Variants in RPS6KC1 observed in about 807,000 individuals in gnomAD.
RPS6KC1 encodes inactive ribosomal protein S6 kinase delta-1.
Under a neutral mutation model 103.8 loss-of-function variants are expected in RPS6KC1, and 54 were observed. The observed-to-expected ratio is 0.52, with a 90% CI of 0.42 to 0.65. RPS6KC1 has a LOEUF of 0.65. Among genes scored for constraint, RPS6KC1 ranks in the 30% least tolerant of loss-of-function variants. RPS6KC1 has a pLI of 0.00. For missense variants in RPS6KC1, 1,151 were observed against 1,253.8 expected, an observed-to-expected ratio of 0.92 and a Z score of 1.24; for synonymous variants, 439 against 438.7, an observed-to-expected ratio of 1.00 and a Z score of -0.01.
chr1:213,825,897 GT>G, the RPS6KC1 span, among the ~76,000 whole-genome samples: 1 of 152,150 alleles, frequency 6.6e-6, no homozygotes, highest in Non-Finnish European at 1.5e-5. Context: ...ACATAACCTA[GT>G]TTTTAAATTT....
the RPS6KC1 span, among the ~76,000 whole-genome samples, chr1:213,534,664 T>C: frequency 6.6e-6 from 1 of 152,156 alleles, no homozygotes; most frequent in East Asian, 1.9e-4. Flanking sequence ...TTCCCAATGC[T>C]AAAAACTTGG....
At chr1:213,155,426 C>T (rs4951676) in intron 6 of RPS6KC1, among the ~76,000 whole-genome samples, 68,393 of 152,056 alleles carry the variant, frequency 0.45, 19,157 homozygotes, top group Non-Finnish European at 0.62. Flanking sequence ...CAGTCAATTT[C>T]TGACCACTAG....
At chr1:213,345,958 A>G in the RPS6KC1 span, among the ~76,000 whole-genome samples, 1 of 152,332 alleles carries the variant, frequency 6.6e-6, no homozygotes, top group South Asian at 2.1e-4. Flanking sequence ...TTTTTAAATA[A>G]GCTTTTTATT....
the RPS6KC1 span, among the ~76,000 whole-genome samples, chr1:213,325,690 G>A: frequency 2.6e-5 from 4 of 152,192 alleles, no homozygotes. Context: ...AGCAGAGTCC[G>A]CTGGGAAAGC....
chr1:213,168,716 G>A lies in RPS6KC1; in HGVS notation c.951+743G>A, dbSNP rs564386711. 1.3e-4 allele frequency among the ~76,000 whole-genome samples: 19 copies of A among 151,792 alleles called. No homozygotes were observed. In the South Asian group the frequency reaches 2.3e-3, roughly 18 times the overall value. ...AGGCTCACTGCAAGCTCCGCCTCCC[G>A]GGTTCACGCCATTCTCCTGCCTCAG... On this transcript the variant is annotated intron_variant, in intron 7 of 14. Transcript: ENST00000366960.
chr1:213,541,831 G>A, the RPS6KC1 span, among the ~76,000 whole-genome samples: 1 of 152,182 alleles, frequency 6.6e-6, no homozygotes, highest in Non-Finnish European at 1.5e-5. Context: ...GAGGGCCTGG[G>A]CAAAACTTTA....
the RPS6KC1 span, among the ~76,000 whole-genome samples, chr1:213,285,936 T>A: frequency 5.9e-5 from 9 of 152,188 alleles, no homozygotes. Flanking sequence ...TGCTGGCACC[T>A]TGGTTCTGGG....
At position 213,065,761 on chromosome 1, in the gene RPS6KC1, A is replaced by G. The variant is rs74947405; in HGVS notation, c.106-5245A>G. On this transcript the variant is annotated intron_variant, in intron 1 of 14. Coordinates refer to ENST00000366960, the MANE Select transcript of RPS6KC1 (RefSeq NM_012424.6). ...GTACTGCAGTACCTGGCAGCAGAGT[A>G]GGCACTAATATGTGTTGAATGAGTA... is the stretch of plus-strand genomic sequence containing the variant. Among the ~76,000 whole-genome samples, 586 of 152,338 alleles carry G rather than the reference A, an allele frequency of 3.8e-3. 4 individuals are homozygous for G. Among genetic ancestry groups the G allele is most frequent in the African/African-American group, 0.014 (568 of 41,574 alleles).
the RPS6KC1 span, among the ~76,000 whole-genome samples, chr1:213,631,992 A>C: frequency 6.6e-6 from 1 of 152,178 alleles, no homozygotes; most frequent in East Asian, 1.9e-4. Context: ...ATGTCACATA[A>C]ATGGAATCAT....
chr1:213,370,914 G>A, the RPS6KC1 span, among the ~76,000 whole-genome samples: 1 of 152,190 alleles, frequency 6.6e-6, no homozygotes, highest in Admixed American at 6.5e-5. Context: ...GAAGCAGTCT[G>A]CAGATGGGTT....
chr1:213,712,471 T>C, the RPS6KC1 span, among the ~76,000 whole-genome samples: 1 of 152,218 alleles, frequency 6.6e-6, no homozygotes, highest in Non-Finnish European at 1.5e-5. Context: ...TGGGATCCAC[T>C]GAGCTAGACC....
chr1:213,565,631 A>G, the RPS6KC1 span, among the ~76,000 whole-genome samples: 5 of 152,238 alleles, frequency 3.3e-5, no homozygotes, highest in African/African-American at 1.2e-4. Context: ...AGAAAGGGAC[A>G]CAAGGGAAAT....
chr1:213,620,914 C>T, the RPS6KC1 span, among the ~76,000 whole-genome samples: 1 of 152,188 alleles, frequency 6.6e-6, no homozygotes, highest in South Asian at 2.1e-4. Context: ...AGGGAAGAGC[C>T]TCTTCCCAGC....
the RPS6KC1 span, among the ~76,000 whole-genome samples, chr1:213,485,877 G>T: frequency 2.0e-5 from 3 of 152,218 alleles, no homozygotes; most frequent in Non-Finnish European, 4.4e-5. Context: ...AGCAGTGCAG[G>T]AAGAAAAAAA....
intron 12 of RPS6KC1, among the ~76,000 whole-genome samples, chr1:213,261,218 C>T (rs1051295875): frequency 2.0e-5 from 3 of 151,824 alleles, no homozygotes; most frequent in Non-Finnish European, 4.4e-5. Context: ...AAAAATCACC[C>T]ATGAGGTAGA....
chr1:213,832,701 G>A, the RPS6KC1 span: 2 of 152,188 alleles, frequency 1.3e-5, no homozygotes, highest in Non-Finnish European at 2.9e-5. Context: ...CATTTCATTA[G>A]AGTGATTTAT....
At chr1:213,834,002 A>G in the RPS6KC1 span, among the ~76,000 whole-genome samples, 66 of 152,354 alleles carry the variant, frequency 4.3e-4, no homozygotes, top group Middle Eastern at 0.014. Context: ...GAGGTTAAAT[A>G]AATTAAAGTG....
chr1:213,082,083 T>C (rs2079945644), intron 3 of RPS6KC1, among the ~76,000 whole-genome samples: 1 of 152,114 alleles, frequency 6.6e-6, no homozygotes, highest in African/African-American at 2.4e-5. Flanking sequence ...AAATGAGCTA[T>C]GGGCTTTGAG....
At chr1:213,551,810 A>G in the RPS6KC1 span, among the ~76,000 whole-genome samples, 1 of 152,216 alleles carries the variant, frequency 6.6e-6, no homozygotes, top group Non-Finnish European at 1.5e-5. Flanking sequence ...TTGTAGCATC[A>G]TACAGACTAT....
Sources: allele counts gnomAD v4.1 joint callset (sites outside exome capture counted in the v4.1 genomes callset), GRCh38; gene constraint gnomAD v4.1.1; transcripts MANE v1.5; gene names NCBI Gene and HGNC (gene_info 2026-07-23, HGNC 2026-07-21).